The following LPGAT1 variants were observed in gnomAD, a reference collection of about 807,000 sequenced individuals.
LPGAT1 encodes the protein acyl-CoA:lysophosphatidylglycerol acyltransferase 1.
LPGAT1 carries 11 observed loss-of-function variants against 47.5 expected under a neutral mutation model. That is an observed-to-expected ratio of 0.23 (90% CI 0.15 to 0.38). The LOEUF (loss-of-function observed/expected upper bound fraction) is 0.38, where lower values mean the gene tolerates loss of function less well. Ranked by LOEUF, LPGAT1 falls within the 10% of genes least tolerant of loss-of-function variation. The pLI is 1.00. For synonymous variants in LPGAT1, 138 were observed against 144.2 expected, an observed-to-expected ratio of 0.96 and a Z score of 0.31; for missense variants, 293 against 439.0, an observed-to-expected ratio of 0.67 and a Z score of 2.97.
intron 5 of LPGAT1, among the ~76,000 whole-genome samples, chr1:211,781,498 CTCTT>C: frequency 6.6e-6 from 1 of 152,284 alleles, no homozygotes; most frequent in Admixed American, 6.5e-5. Context: ...TATTAAAAGA[CTCTT>C]TCAATTTGTC....
Position 211,793,078 on chromosome 1 carries a change from T to C in LPGAT1, c.351A>G (p.Lys117=), listed in dbSNP as rs1659201570. The C allele has an allele frequency of 6.3e-7, 1 of 1,589,476 alleles. No homozygotes were observed. Among genetic ancestry groups the C allele is most frequent in the Non-Finnish European group, 8.6e-7 (1 of 1,167,004 alleles). ...VCTLMMCLQD[K]GLVVAQMMWL... ...TGCCTTCAGGGTAGCTTACCAGTCCTTTGTCCTGGAGGCACATCATCAGTG... is the reference window on the plus strand; with the variant it reads ...TGCCTTCAGGGTAGCTTACCAGTCCCTTGTCCTGGAGGCACATCATCAGTG... Residue 117 remains lysine (K), a synonymous_variant, in exon 3 of 8, where the codon AAA becomes AAG. Coordinates refer to ENST00000366997, the MANE Select transcript of LPGAT1 (RefSeq NM_014873.3).
chr1:211,767,439 A>G (rs576495516), intron 6 of LPGAT1, among the ~76,000 whole-genome samples: 39 of 152,314 alleles, frequency 2.6e-4, no homozygotes, highest in African/African-American at 8.2e-4. Context: ...CCCAGCCTGA[A>G]AAGTTTTATT....
At chr1:211,803,377 T>G (rs577116936) in intron 2 of LPGAT1, among the ~76,000 whole-genome samples, 1 of 152,184 alleles carries the variant, frequency 6.6e-6, no homozygotes, top group African/African-American at 2.4e-5. Context: ...GGAAGGAAGA[T>G]AATCAGGATG....
intron 6 of LPGAT1, among the ~76,000 whole-genome samples, chr1:211,753,158 C>T (rs1657276029): frequency 6.6e-6 from 1 of 152,164 alleles, no homozygotes; most frequent in Admixed American, 6.5e-5. Flanking sequence ...TCACCATTGT[C>T]CTGGTGAGTC....
chr1:211,819,802 T>C (rs1176327769), intron 2 of LPGAT1, among the ~76,000 whole-genome samples: 2 of 152,174 alleles, frequency 1.3e-5, no homozygotes, highest in East Asian at 3.9e-4. Context: ...CTGGCCAACA[T>C]GGTGAAACCC....
At chr1:211,795,204 T>C (rs1191462469) in intron 2 of LPGAT1, among the ~76,000 whole-genome samples, 1 of 152,300 alleles carries the variant, frequency 6.6e-6, no homozygotes, top group African/African-American at 2.4e-5. Context: ...TTTACCACAA[T>C]TAAAAACATT....
At chr1:211,765,576 G>C (rs1657875627) in intron 6 of LPGAT1, among the ~76,000 whole-genome samples, 1 of 152,178 alleles carries the variant, frequency 6.6e-6, no homozygotes, top group Admixed American at 6.5e-5. Flanking sequence ...CACTTTGCTA[G>C]ACCTTAAGAA....
intron 6 of LPGAT1, among the ~76,000 whole-genome samples, chr1:211,778,325 G>C (rs1291943790): frequency 7.5e-6 from 1 of 133,312 alleles, no homozygotes; most frequent in Non-Finnish European, 1.5e-5. Flanking sequence ...CTGGGCCACA[G>C]ACTGAGACTC....
Position 211,778,103 on chromosome 1 carries a change from G to A in LPGAT1, c.854+815C>T, listed in dbSNP as rs555464022. Among the ~76,000 whole-genome samples the A allele has an allele frequency of 1.9e-3, 291 of 152,284 alleles. 2 individuals are homozygous for A. The highest frequency in any genetic ancestry group is 3.6e-3 in the Non-Finnish European group (243 of 68,014). ...CACGCCTGTAATCCCAGCACTTTGG[G>A]AGGCCGACGCAGGCGGATCACAAGG... On this transcript the variant is annotated intron_variant, in intron 6 of 7. Coordinates refer to ENST00000366997, the MANE Select transcript of LPGAT1 (RefSeq NM_014873.3).
At chr1:211,793,254 T>C (rs1659210000) in intron 2 of LPGAT1, 64 bp from the exon 3 acceptor site, 4 of 1,045,588 alleles carry the variant, frequency 3.8e-6, no homozygotes, top group Non-Finnish European at 5.8e-6. Context: ...ACAAACCTTA[T>C]ATTAGAAAAA....
At position 211,830,328 on chromosome 1, in the gene LPGAT1, T is replaced by C; in HGVS notation, c.-28+245A>G. On this transcript the variant is annotated intron_variant, in intron 1 of 7. Transcript: ENST00000366997. The surrounding 1 kb of genome is among the most constrained non-coding windows in gnomAD (Gnocchi z 5.9). Reference sequence around the variant, plus strand: ...GCTGGCGCCCTACTCCCCTCGCGGCTGCCTGCGGACAGAGGGACGGCGGGG... The same window carrying C: ...GCTGGCGCCCTACTCCCCTCGCGGCCGCCTGCGGACAGAGGGACGGCGGGG... The C allele has an allele frequency of 2.7e-6, 3 of 1,123,276 alleles. No homozygotes were observed. The highest frequency in any genetic ancestry group is 3.3e-6 in the Non-Finnish European group (3 of 918,438). The allele number at this position is 1,123,276 out of a possible 1,614,324, so 69.6% of individuals were successfully genotyped here.
chr1:211,791,023 G>A (rs914498735), intron 3 of LPGAT1, among the ~76,000 whole-genome samples: 17 of 152,122 alleles, frequency 1.1e-4, no homozygotes, highest in Non-Finnish European at 2.2e-4. Flanking sequence ...CATGAACTTA[G>A]AGGACAGGCA....
At chr1:211,800,151 C>A (rs532601832) in intron 2 of LPGAT1, among the ~76,000 whole-genome samples, 31 of 151,734 alleles carry the variant, frequency 2.0e-4, no homozygotes, top group Non-Finnish European at 4.0e-4. Flanking sequence ...TCTCCTGCCT[C>A]AGCCTCCCGA....
intron 2 of LPGAT1, among the ~76,000 whole-genome samples, chr1:211,821,045 C>T (rs1208173727): frequency 6.6e-6 from 1 of 151,928 alleles, no homozygotes; most frequent in Non-Finnish European, 1.5e-5. Flanking sequence ...CTGTAAGATA[C>T]TCAAAAAAAA....
chr1:211,756,892 C>T (rs1657483783), intron 6 of LPGAT1, among the ~76,000 whole-genome samples: 4 of 141,966 alleles, frequency 2.8e-5, no homozygotes, highest in South Asian at 4.6e-4. Flanking sequence ...TTTTTTTCCA[C>T]ACATGGAGAG....
At chr1:211,773,055 G>T (rs1166259950) in intron 6 of LPGAT1, among the ~76,000 whole-genome samples, 1 of 152,052 alleles carries the variant, frequency 6.6e-6, no homozygotes, top group Non-Finnish European at 1.5e-5. Context: ...ATAATACTCT[G>T]CAAACTAATG....
intron 5 of LPGAT1, among the ~76,000 whole-genome samples, chr1:211,779,929 G>A (rs1425685340): frequency 6.6e-6 from 1 of 151,788 alleles, no homozygotes; most frequent in Non-Finnish European, 1.5e-5. Flanking sequence ...TGTAATCCCA[G>A]CACTTTGGGA....
At chr1:211,779,789 T>C (rs1422272874) in intron 5 of LPGAT1, among the ~76,000 whole-genome samples, 1 of 150,974 alleles carries the variant, frequency 6.6e-6, no homozygotes, top group Non-Finnish European at 1.5e-5. Context: ...GAGGTGGAGG[T>C]TGCAGTGAGC....
At position 211,748,450 on chromosome 1, in the gene LPGAT1, C is replaced by T. The variant is rs1221204197; in HGVS notation, c.*1449G>A. On this transcript the variant is annotated 3_prime_UTR_variant, in exon 8 of 8. Coordinates refer to ENST00000366997, the MANE Select transcript of LPGAT1 (RefSeq NM_014873.3). ...CTGCAATCCCAGCACTTTAGGAAGC[C>T]GAGGTGGGCAGATCACCTGAGGTCA... is the stretch of plus-strand genomic sequence containing the variant. 1 of 152,196 alleles carries T rather than the reference C, an allele frequency of 6.6e-6. No individual in the cohort carries two copies. Among genetic ancestry groups the T allele is most frequent in the Admixed American group, 6.5e-5 (1 of 15,276 alleles). The allele number at this position is 152,196 out of a possible 1,614,324, so 9.4% of individuals were successfully genotyped here.
Sources: allele counts gnomAD v4.1 joint callset (sites outside exome capture counted in the v4.1 genomes callset), GRCh38; gene constraint gnomAD v4.1.1; non-coding constraint Gnocchi (gnomAD v3.1); transcripts MANE v1.5; gene names NCBI Gene and HGNC (gene_info 2026-07-23, HGNC 2026-07-21).